OGDHL: variants seen among roughly 807,000 people sequenced by gnomAD.
OGDHL encodes oxoglutarate dehydrogenase L.
Under a neutral mutation model 109.6 loss-of-function variants are expected in OGDHL, and 79 were observed. That is an observed-to-expected ratio of 0.72 (90% CI 0.60 to 0.87). The LOEUF (loss-of-function observed/expected upper bound fraction) is 0.87, where lower values mean the gene tolerates loss of function less well. Among genes scored for constraint, OGDHL ranks in the 40% least tolerant of loss-of-function variants. OGDHL has a pLI of 0.00. For missense variants in OGDHL, 1,275 were observed against 1,362.2 expected (o/e 0.94, Z 1.01); for synonymous variants, 528 against 537.2 (o/e 0.98, Z 0.24).
At chr10:49,745,305 A>G (rs1590718236) in intron 12 of OGDHL, 39 bp downstream of exon 12, 6 of 1,608,168 alleles carry the variant, frequency 3.7e-6, no homozygotes, top group Non-Finnish European at 5.1e-6. Flanking sequence ...GTCCCCACCC[A>G]AAGTTTGTCT....
intron 3 of OGDHL, among the ~76,000 whole-genome samples, chr10:49,754,489 A>C (rs1377136838): frequency 6.6e-6 from 1 of 152,250 alleles, no homozygotes; most frequent in Non-Finnish European, 1.5e-5. Context: ...TCTGCACCTC[A>C]GGATAAACAG....
At position 49,747,498 on chromosome 10, in the gene OGDHL, A is replaced by G. The variant is rs576714282; in HGVS notation, c.988-290T>C. On this transcript the variant is annotated intron_variant, in intron 8 of 22. Coordinates refer to ENST00000374103, the MANE Select transcript of OGDHL (RefSeq NM_018245.3). Reference sequence around the variant, plus strand: ...CCATCCAGCGGTGGGGAAGGCAGGGAGAGAAGGGCAGTGCCTAGGCATCAG... The same window carrying G: ...CCATCCAGCGGTGGGGAAGGCAGGGGGAGAAGGGCAGTGCCTAGGCATCAG... Among the ~76,000 whole-genome samples, 10 of 152,314 alleles carry G rather than the reference A, an allele frequency of 6.6e-5. No homozygotes were observed. In the East Asian group the frequency reaches 1.9e-3, roughly 29 times the overall value.
At position 49,735,924 on chromosome 10, in the gene OGDHL, G is replaced by GGCAGGGCCAGTTCTGGGTA. The variant is rs1841125874; in HGVS notation, c.2909+80_2909+98dup. 5 of 1,334,696 alleles carry GGCAGGGCCAGTTCTGGGTA rather than the reference G, an allele frequency of 3.7e-6. No individual in the cohort carries two copies. In the East Asian group the frequency reaches 7.4e-5, roughly 20 times the overall value. The allele number at this position is 1,334,696 out of a possible 1,614,324, so 82.7% of individuals were successfully genotyped here. On this transcript the variant is annotated intron_variant, in intron 22 of 22. Coordinates refer to ENST00000374103, the MANE Select transcript of OGDHL (RefSeq NM_018245.3). ...CCATCATTGCTCATCACCAGAGAAG[G>GGCAGGGCCAGTTCTGGGTA]GCAGGGCCAGTTCTGGGTAGCATGG... is the stretch of plus-strand genomic sequence containing the variant.
intron 15 of OGDHL, among the ~76,000 whole-genome samples, 188 bp downstream of exon 15, chr10:49,742,640 C>T (rs932967831): frequency 2.6e-5 from 4 of 151,526 alleles, no homozygotes; most frequent in Non-Finnish European, 5.9e-5. Context: ...CAGCTTGGGC[C>T]CAGCAGTGAG....
intron 3 of OGDHL, among the ~76,000 whole-genome samples, chr10:49,755,094 A>G (rs1842840833): frequency 6.6e-6 from 1 of 152,112 alleles, no homozygotes; most frequent in Non-Finnish European, 1.5e-5. Flanking sequence ...AAACACAAAA[A>G]TCAGCCAGGC....
intron 6 of OGDHL, 150 bp from the exon 7 acceptor site, chr10:49,751,135 CACCATGG>C (rs1842562015): frequency 1.7e-5 from 12 of 716,544 alleles, no homozygotes; most frequent in Non-Finnish European, 2.5e-5. Flanking sequence ...GTCCAGGGCC[CACCATGG>C]ATACACCTGT....
At chr10:49,736,635 G>A in intron 20 of OGDHL, 115 bp from the exon 21 acceptor site, 3 of 1,178,210 alleles carry the variant, frequency 2.5e-6, no homozygotes, top group Admixed American at 2.6e-5. Context: ...CTGCAGGTTT[G>A]GACTTGTGGC....
Position 49,756,773 on chromosome 10 carries a change from C to T in OGDHL, c.375+3G>A, listed in dbSNP as rs369923000. ...CCCAGGCTGTGCCTCAGCTGCCCCTCACCTGGTAGGCCCGGATCAGGGACT... is the reference window on the plus strand; with the variant it reads ...CCCAGGCTGTGCCTCAGCTGCCCCTTACCTGGTAGGCCCGGATCAGGGACT... On this transcript the variant is annotated splice_donor_region_variant and intron_variant, in intron 3 of 22. Coordinates refer to ENST00000374103, the MANE Select transcript of OGDHL (RefSeq NM_018245.3). 412 of 1,611,410 alleles carry T rather than the reference C, an allele frequency of 2.6e-4. No homozygotes were observed. Among genetic ancestry groups the T allele is most frequent in the Non-Finnish European group, 3.2e-4 (378 of 1,178,576 alleles).
At chr10:49,752,092 G>C (rs1842640277) in intron 5 of OGDHL, 41 bp downstream of exon 5, 1 of 1,610,120 alleles carries the variant, frequency 6.2e-7, no homozygotes, top group East Asian at 2.2e-5. Context: ...AAGCTCCAAA[G>C]AGCTGCTTCA....
At chr10:49,753,632 T>TGTA (rs1842743560) in intron 3 of OGDHL, among the ~76,000 whole-genome samples, 1 of 152,360 alleles carries the variant, frequency 6.6e-6, no homozygotes, top group Non-Finnish European at 1.5e-5. Flanking sequence ...GGCTCACACC[T>TGTA]GTAATCCTAG....
At chr10:49,740,997 A>G (rs1328073518) in intron 15 of OGDHL, among the ~76,000 whole-genome samples, 160 bp from the exon 16 acceptor site, 1 of 151,942 alleles carries the variant, frequency 6.6e-6, no homozygotes, top group African/African-American at 2.4e-5. Flanking sequence ...GCTGTGGAAA[A>G]CCAGAGCCAT....
Position 49,750,943 on chromosome 10 carries a change from C to A in OGDHL, c.792G>T (p.Arg264=). 6.2e-7 allele frequency: 1 copy of A among 1,610,952 alleles called. No individual in the cohort carries two copies. The change falls in exon 7 of 23, where the codon CGG becomes CGT. Residue 264 remains arginine, a synonymous_variant. Coordinates refer to ENST00000374103, the MANE Select transcript of OGDHL (RefSeq NM_018245.3). ...FLARKWSSEK[R]FGLEGCEVMI... is the part of the protein sequence containing the mutation. ...TCACTTCACAGCCCTCCAGGCCAAA[C>A]CGCTTCTCTGAGGACCATTTCCGGG...
At chr10:49,745,728 T>A in intron 11 of OGDHL, 70 bp downstream of exon 11, 7 of 1,542,552 alleles carry the variant, frequency 4.5e-6, no homozygotes, top group Non-Finnish European at 6.2e-6. Context: ...AAGATGCTGA[T>A]GACATGGCTG....
rs780106892 is a variant in OGDHL, at chr10:49,758,410, T to C, written c.183A>G (p.Glu61=). ...YMEEMYFAWL[E]NPQSVHKSWD... Reference sequence around the variant, plus strand: ...TGACCTTGTGGACACTCTGGGGGTTTTCCAACCAGGCGAAGTACATCTCCT... The same window carrying C: ...TGACCTTGTGGACACTCTGGGGGTTCTCCAACCAGGCGAAGTACATCTCCT... Residue 61 remains glutamate, a synonymous_variant, in exon 2 of 23, where the codon GAA becomes GAG. Coordinates refer to ENST00000374103, the MANE Select transcript of OGDHL (RefSeq NM_018245.3). The C allele has an allele frequency of 1.4e-5, 22 of 1,613,176 alleles. No homozygotes were observed. The highest frequency in any genetic ancestry group is 1.9e-5 in the Non-Finnish European group (22 of 1,179,714).
chr10:49,739,720 C>T lies in OGDHL; in HGVS notation c.2260G>A (p.Ala754Thr). 6.2e-7 allele frequency: 1 copy of T among 1,614,132 alleles called. No homozygotes were observed. Among genetic ancestry groups the T allele is most frequent in the Non-Finnish European group, 8.5e-7 (1 of 1,179,984 alleles). ...IIDQFISTGQ[A>T]KWVRHNGIVL... ...ATGCCATTATGCCGCACCCACTTGG[C>T]CTGGCCGGTGCTGATGAACTGGTCG... is the stretch of plus-strand genomic sequence containing the variant. Residue 754 changes from alanine to threonine, a missense_variant, in exon 17 of 23, where the codon GCC becomes ACC. By Grantham distance (58) the Ala-to-Thr change is moderately conservative. Transcript: ENST00000374103.
rs1274500856 is a variant in OGDHL, at chr10:49,745,296, T to C, written c.1629+48A>G. 3 of 1,604,284 alleles carry C rather than the reference T, an allele frequency of 1.9e-6. No individual in the cohort carries two copies. In the East Asian group the frequency reaches 6.7e-5, roughly 36 times the overall value. On this transcript the variant is annotated intron_variant, in intron 12 of 22. Transcript: ENST00000374103. The stretch of plus-strand genomic sequence containing the variant: ...TAACATCTACAACCCCTCTCCAGGG[T>C]CCCCACCCAAAGTTTGTCTTGGGCG...
chr10:49,741,114 G>A (rs1841621497), intron 15 of OGDHL, among the ~76,000 whole-genome samples: 1 of 152,080 alleles, frequency 6.6e-6, no homozygotes, highest in South Asian at 2.1e-4. Flanking sequence ...AAGGAGCTGT[G>A]AGTTGTGGCA....
At chr10:49,756,172 C>T (rs1414867837) in intron 3 of OGDHL, among the ~76,000 whole-genome samples, 1 of 152,202 alleles carries the variant, frequency 6.6e-6, no homozygotes, top group Non-Finnish European at 1.5e-5. Flanking sequence ...GCCAGCAGTT[C>T]CCAGAGATAT....
chr10:49,743,089 G>C, intron 14 of OGDHL, 111 bp from the exon 15 acceptor site: 2 of 1,372,810 alleles, frequency 1.5e-6, no homozygotes. Context: ...CTGTTGATTT[G>C]GTTGGAGGGC....
Sources: gnomAD v4.1 joint callset for allele counts (sites outside exome capture counted in the v4.1 genomes callset) on GRCh38, gnomAD v4.1.1 for gene constraint, MANE v1.5 for transcripts, NCBI Gene and HGNC (gene_info 2026-07-23, HGNC 2026-07-21) for gene names.